The following CFAP221 variants were observed in gnomAD, a reference collection of about 807,000 sequenced individuals.
CFAP221 encodes the protein cilia- and flagella-associated protein 221.
In CFAP221, 97 loss-of-function variants were observed where a neutral mutation model predicts 113.1. That is an observed-to-expected ratio of 0.86 (90% CI 0.73 to 1.02). The LOEUF (loss-of-function observed/expected upper bound fraction) is 1.02, where lower values mean the gene tolerates loss of function less well. Among genes scored for constraint, CFAP221 ranks in the 50% least tolerant of loss-of-function variants. The pLI, the probability that CFAP221 is intolerant of heterozygous loss-of-function variation, is 0.00. For synonymous variants in CFAP221, 331 were observed against 354.4 expected, an observed-to-expected ratio of 0.93 and a Z score of 0.74; for missense variants, 1,025 against 1,013.4, an observed-to-expected ratio of 1.01 and a Z score of -0.16.
chr2:119,625,256 A>G (rs1177379144), intron 14 of CFAP221, among the ~76,000 whole-genome samples: 1 of 152,188 alleles, frequency 6.6e-6, no homozygotes, highest in Non-Finnish European at 1.5e-5. Flanking sequence ...TGGTAGCATT[A>G]CTATTCAGAC....
At chr2:119,593,345 A>G (rs1683725997) in intron 7 of CFAP221, among the ~76,000 whole-genome samples, 1 of 152,196 alleles carries the variant, frequency 6.6e-6, no homozygotes, top group African/African-American at 2.4e-5. Flanking sequence ...ATAAAGGAAT[A>G]TCTGAAGCTT....
At chr2:119,616,049 A>G (rs1685504115) in intron 14 of CFAP221, among the ~76,000 whole-genome samples, 1 of 152,210 alleles carries the variant, frequency 6.6e-6, no homozygotes, top group African/African-American at 2.4e-5. Flanking sequence ...GGAATCATAC[A>G]ATATGCAGCC....
chr2:119,594,236 A>C (rs1038181678), intron 7 of CFAP221, among the ~76,000 whole-genome samples: 1 of 151,202 alleles, frequency 6.6e-6, no homozygotes, highest in African/African-American at 2.4e-5. Context: ...CCTCTTTTTC[A>C]TGTGTATTTT....
intron 14 of CFAP221, 34 bp downstream of exon 14, chr2:119,615,743 G>C (rs558131715): frequency 1.3e-6 from 2 of 1,508,388 alleles, no homozygotes; most frequent in Admixed American, 1.8e-5. Context: ...ATGTTGATTT[G>C]TTTACTCATC....
intron 22 of CFAP221, chr2:119,648,468 T>C: frequency 3.1e-6 from 1 of 327,494 alleles, no homozygotes; most frequent in Non-Finnish European, 6.9e-6. Flanking sequence ...CTGCTGTATC[T>C]GTGACGACAG....
rs1688447571 is a variant in CFAP221 at position 119,656,540 on chromosome 2, A to AT, written c.*71dup. ...ACTGTGGCCCCTTGCGTCCATTTAC[A>AT]TGCCAGCCATCTCTGCAATTAAAGT... On this transcript the variant is annotated 3_prime_UTR_variant, in exon 24 of 24. Coordinates refer to ENST00000413369, the MANE Select transcript of CFAP221 (RefSeq NM_001271049.2). The AT allele has an allele frequency of 1.0e-6, 1 of 1,000,574 alleles. No homozygotes were observed. The highest frequency in any genetic ancestry group is 1.6e-6 in the Non-Finnish European group (1 of 644,314). The allele number at this position is 1,000,574 out of a possible 1,614,324, so 62.0% of individuals were successfully genotyped here. A position where few individuals can be genotyped will look rare whatever the true frequency, so the allele number is the denominator to read the frequency against.
intron 21 of CFAP221, among the ~76,000 whole-genome samples, chr2:119,644,869 A>G (rs1042588273): frequency 6.6e-6 from 1 of 152,104 alleles, no homozygotes; most frequent in African/African-American, 2.4e-5. Flanking sequence ...TTCCACTGTG[A>G]GAAACCTGGC....
chr2:119,579,723 G>C (rs1402873169), intron 6 of CFAP221, among the ~76,000 whole-genome samples: 1 of 152,176 alleles, frequency 6.6e-6, no homozygotes, highest in Non-Finnish European at 1.5e-5. Context: ...CAAATACCCT[G>C]ACACCTTTTC....
At chr2:119,551,068 T>C (rs1015167777) in intron 3 of CFAP221, among the ~76,000 whole-genome samples, 2 of 152,234 alleles carry the variant, frequency 1.3e-5, no homozygotes, top group Non-Finnish European at 2.9e-5. Context: ...ATCCAAGTCA[T>C]AGCATGTAGC....
intron 6 of CFAP221, among the ~76,000 whole-genome samples, chr2:119,571,737 C>A (rs1004846576): frequency 6.6e-6 from 1 of 152,158 alleles, no homozygotes; most frequent in East Asian, 1.9e-4. Flanking sequence ...GGATTACAGG[C>A]GTGAGCCACC....
intron 19 of CFAP221, chr2:119,631,220 C>G (rs543149834): frequency 6.2e-6 from 3 of 484,968 alleles, no homozygotes; most frequent in South Asian, 1.5e-4. Context: ...TGAAAACAAA[C>G]AAAAAATCTG....
intron 22 of CFAP221, among the ~76,000 whole-genome samples, chr2:119,647,936 G>A (rs1392673568): frequency 6.6e-6 from 1 of 152,136 alleles, no homozygotes; most frequent in African/African-American, 2.4e-5. Flanking sequence ...GTGTGATGAA[G>A]GGGTAGGCTG....
At chr2:119,548,709 A>G (rs950647191) in intron 2 of CFAP221, among the ~76,000 whole-genome samples, 1 of 152,250 alleles carries the variant, frequency 6.6e-6, no homozygotes, top group Non-Finnish European at 1.5e-5. Context: ...TGATCTGGGT[A>G]TTCATTATGT....
intron 19 of CFAP221, among the ~76,000 whole-genome samples, chr2:119,636,917 G>A (rs1430629069): frequency 2.0e-5 from 3 of 152,042 alleles, no homozygotes; most frequent in Non-Finnish European, 4.4e-5. Flanking sequence ...TGAACGCCTG[G>A]CCCAAGGCAG....
At chr2:119,641,857 C>G (rs994164281) in intron 21 of CFAP221, among the ~76,000 whole-genome samples, 2 of 152,156 alleles carry the variant, frequency 1.3e-5, no homozygotes, top group Non-Finnish European at 2.9e-5. Flanking sequence ...GTCTGGGGTG[C>G]TGTCAGCACA....
chr2:119,548,651 A>AAGTTAAAT (rs1680210722), intron 2 of CFAP221, among the ~76,000 whole-genome samples: 1 of 152,206 alleles, frequency 6.6e-6, no homozygotes, highest in Non-Finnish European at 1.5e-5. Context: ...CAAATAATAA[A>AAGTTAAAT]AGTTAAATAC....
rs781448027 is a variant in CFAP221, at chr2:119,604,859, T to A, written c.913-17T>A. On this transcript the variant is annotated splice_polypyrimidine_tract_variant and intron_variant, in intron 9 of 23. Coordinates refer to ENST00000413369, the MANE Select transcript of CFAP221 (RefSeq NM_001271049.2). ...AGGGGCAGACTAACTGATTTCCCTATTGATTTGGTCTCTTAGGAAATTGAG... is the reference window on the plus strand; with the variant it reads ...AGGGGCAGACTAACTGATTTCCCTAATGATTTGGTCTCTTAGGAAATTGAG... 1.9e-6 allele frequency: 3 copies of A among 1,613,296 alleles called. No homozygotes were observed. In the African/African-American group the frequency reaches 4.0e-5, roughly 22 times the overall value.
intron 5 of CFAP221, among the ~76,000 whole-genome samples, chr2:119,561,109 T>C (rs1157045887): frequency 6.6e-6 from 1 of 151,912 alleles, no homozygotes; most frequent in African/African-American, 2.4e-5. Flanking sequence ...GCCAACATGG[T>C]GAAACCCCAT....
chr2:119,566,560 C>G (rs112611240), intron 6 of CFAP221, among the ~76,000 whole-genome samples: 1 of 152,230 alleles, frequency 6.6e-6, no homozygotes, highest in Non-Finnish European at 1.5e-5. Flanking sequence ...TGAGTACCCC[C>G]CCAGCTCCTA....
Sources: allele counts gnomAD v4.1 joint callset (sites outside exome capture counted in the v4.1 genomes callset), GRCh38; gene constraint gnomAD v4.1.1; transcripts MANE v1.5; gene names NCBI Gene and HGNC (gene_info 2026-07-23, HGNC 2026-07-21).